Variants in MAP2K5 observed in about 807,000 individuals in gnomAD.
MAP2K5 encodes dual specificity mitogen-activated protein kinase kinase 5.
MAP2K5 carries 49 observed loss-of-function variants against 83.1 expected under a neutral mutation model. That is an observed-to-expected ratio of 0.59 (90% CI 0.47 to 0.75). The LOEUF (loss-of-function observed/expected upper bound fraction) is 0.75, where lower values mean the gene tolerates loss of function less well. Ranked by LOEUF, MAP2K5 falls within the 30% of genes least tolerant of loss-of-function variation. MAP2K5 has a pLI of 0.00. For missense variants in MAP2K5, 457 were observed against 557.5 expected (o/e 0.82, Z 1.82); for synonymous variants, 202 against 191.8 (o/e 1.05, Z -0.44).
intron 16 of MAP2K5, among the ~76,000 whole-genome samples, chr15:67,726,587 G>T (rs935703635): frequency 3.3e-5 from 5 of 152,210 alleles, no homozygotes; most frequent in African/African-American, 1.2e-4. Context: ...AATAAGCGCA[G>T]AACTTCTCAA....
At chr15:67,608,696 T>C (rs1434162557) in intron 8 of MAP2K5, among the ~76,000 whole-genome samples, 5 of 152,204 alleles carry the variant, frequency 3.3e-5, no homozygotes, top group Non-Finnish European at 7.3e-5. Context: ...GACAGCTGAC[T>C]TAAAGTCTGA....
At chr15:67,766,552 G>A (rs28570354) in intron 19 of MAP2K5, among the ~76,000 whole-genome samples, 2 of 152,106 alleles carry the variant, frequency 1.3e-5, no homozygotes, top group Non-Finnish European at 2.9e-5. Context: ...TGAACTCCTC[G>A]GGATGACTAG....
At chr15:67,599,136 A>G (rs1019415270) in intron 7 of MAP2K5, among the ~76,000 whole-genome samples, 5 of 152,208 alleles carry the variant, frequency 3.3e-5, no homozygotes, top group Non-Finnish European at 7.3e-5. Flanking sequence ...GGTCCAGAAT[A>G]ATGAGATTTT....
chr15:67,740,641 A>G (rs1156439096), intron 17 of MAP2K5, among the ~76,000 whole-genome samples: 3 of 152,176 alleles, frequency 2.0e-5, no homozygotes, highest in Non-Finnish European at 4.4e-5. Flanking sequence ...CTTTTTCAGT[A>G]TATAAAAAAG....
rs1048510660 is a variant in MAP2K5, at chr15:67,746,369, A to G, written c.1075-1862A>G. ...CTTTGATGTCAGAAATGGATTTCTG[A>G]TTCTTTATTCATTACAAATAACTCC... On this transcript the variant is annotated intron_variant, in intron 17 of 21. Coordinates refer to ENST00000178640, the MANE Select transcript of MAP2K5 (RefSeq NM_145160.3). This position sits in a 1 kb window ranked among gnomAD's most constrained non-coding sequence, Gnocchi z 4.1. Among the ~76,000 whole-genome samples the G allele has an allele frequency of 6.6e-6, 1 of 152,032 alleles. No homozygotes were observed. Among genetic ancestry groups the G allele is most frequent in the Non-Finnish European group, 1.5e-5 (1 of 68,006 alleles).
chr15:67,773,922 GGATAGCTC>G lies in MAP2K5; in HGVS notation c.1242+1171_1242+1178del, dbSNP rs1316608416. ...CCTTGTGCATTATTATGCTATGGCT[GGATAGCTC>G]AGCTGTTAAAACAAAGGAATAGGGT... On this transcript the variant is annotated intron_variant, in intron 21 of 21. Transcript: ENST00000178640. Among the ~76,000 whole-genome samples the G allele has an allele frequency of 2.6e-4, 40 of 152,130 alleles. 1 individual carries two copies. The highest frequency in any genetic ancestry group is 2.6e-3 in the Admixed American group (40 of 15,266).
chr15:67,761,560 G>C (rs538159006), intron 19 of MAP2K5, among the ~76,000 whole-genome samples: 70 of 152,334 alleles, frequency 4.6e-4, no homozygotes, highest in East Asian at 2.9e-3. Flanking sequence ...ACAGTCGAGT[G>C]AACATTCAGG....
At chr15:67,733,404 A>C (rs1373316434) in intron 17 of MAP2K5, among the ~76,000 whole-genome samples, 1 of 152,268 alleles carries the variant, frequency 6.6e-6, no homozygotes, top group Non-Finnish European at 1.5e-5. Context: ...AAAAAGGATC[A>C]AAAAGATAAG....
chr15:67,794,172 C>T lies in MAP2K5; in HGVS notation c.1243-12474C>T, dbSNP rs114764316. 1.2e-3 allele frequency among the ~76,000 whole-genome samples: 184 copies of T among 152,328 alleles called. 3 individuals carry two copies. The highest frequency in any genetic ancestry group is 4.3e-3 in the African/African-American group (178 of 41,562). On this transcript the variant is annotated intron_variant, in intron 21 of 21. Transcript: ENST00000178640. The surrounding 1 kb of genome is among the most constrained non-coding windows in gnomAD (Gnocchi z 4.6). ...ACACCACCTTGGAAAATGCAGGTCA[C>T]ACCAGTCACCACCATCAAAAACGCA...
At chr15:67,599,760 C>T (rs550964967) in intron 7 of MAP2K5, among the ~76,000 whole-genome samples, 2 of 150,762 alleles carry the variant, frequency 1.3e-5, no homozygotes, top group East Asian at 3.9e-4. Flanking sequence ...TTTATTAAAT[C>T]CACTTAGTGA....
chr15:67,558,876 T>G (rs1407898097), intron 2 of MAP2K5, among the ~76,000 whole-genome samples: 2 of 152,264 alleles, frequency 1.3e-5, no homozygotes, highest in Non-Finnish European at 2.9e-5. Flanking sequence ...TTTTCTTTTT[T>G]CACTGTTACT....
In MAP2K5 at chr15:67,665,946, C is replaced by T. The variant is rs1363295843; in HGVS notation, c.847+1301C>T. Among the ~76,000 whole-genome samples, 1 of 152,152 alleles carries T rather than the reference C, an allele frequency of 6.6e-6. No individual in the cohort carries two copies. The highest frequency in any genetic ancestry group is 6.6e-5 in the Admixed American group (1 of 15,264). The stretch of plus-strand genomic sequence containing the variant: ...ATTGTTTCTATTCCCTGTACTCCTA[C>T]CTCCGCACACCCAGCTACCGGTAAA... On this transcript the variant is annotated intron_variant, in intron 13 of 21. Transcript: ENST00000178640. This position sits in a 1 kb window ranked among gnomAD's most constrained non-coding sequence, Gnocchi z 4.2.
chr15:67,702,296 G>T lies in MAP2K5; in HGVS notation c.973-1041G>T, dbSNP rs149290468. ...ATGAAAAACACTAAAACAAGGCCTG[G>T]TGTATAGAAATTCTTTAATAAATGC... On this transcript the variant is annotated intron_variant, in intron 15 of 21. Transcript: ENST00000178640. The surrounding 1 kb of genome is among the most constrained non-coding windows in gnomAD (Gnocchi z 4.6). Among the ~76,000 whole-genome samples, 32 of 152,264 alleles carry T rather than the reference G, an allele frequency of 2.1e-4. No homozygotes were observed. In the East Asian group the frequency reaches 6.0e-3, roughly 28 times the overall value.
At chr15:67,673,131 A>G (rs1392786800) in intron 13 of MAP2K5, among the ~76,000 whole-genome samples, 1 of 151,992 alleles carries the variant, frequency 6.6e-6, no homozygotes, top group Non-Finnish European at 1.5e-5. Flanking sequence ...CTTAGGATTG[A>G]CTTGGCAATG....
intron 15 of MAP2K5, among the ~76,000 whole-genome samples, chr15:67,700,548 G>A (rs1450517329): frequency 6.6e-6 from 1 of 152,102 alleles, no homozygotes; most frequent in Non-Finnish European, 1.5e-5. Flanking sequence ...TTGTTTTTCA[G>A]GGGAGAGGAC....
chr15:67,596,413 C>CA (rs969520918), intron 7 of MAP2K5, among the ~76,000 whole-genome samples: 27 of 150,906 alleles, frequency 1.8e-4, no homozygotes, highest in African/African-American at 4.9e-4. Context: ...GACTCTGTCT[C>CA]AAAAAAAACT....
chr15:67,577,985 G>A lies in MAP2K5; in HGVS notation c.253-2769G>A, dbSNP rs1191220938. ...ACTGTACTCTAGCCTGGGTGACAGA[G>A]CAAGACTCTGTCTCAAAAAAAAAGA... On this transcript the variant is annotated intron_variant, in intron 3 of 21. Coordinates refer to ENST00000178640, the MANE Select transcript of MAP2K5 (RefSeq NM_145160.3). The surrounding 1 kb of genome is among the most constrained non-coding windows in gnomAD (Gnocchi z 4.1). 6.6e-6 allele frequency among the ~76,000 whole-genome samples: 1 copy of A among 152,102 alleles called. No individual in the cohort carries two copies. The highest frequency in any genetic ancestry group is 2.4e-5 in the African/African-American group (1 of 41,416).
At chr15:67,772,675 T>G in intron 20 of MAP2K5, 32 bp from the exon 21 acceptor site, 2 of 1,467,954 alleles carry the variant, frequency 1.4e-6, no homozygotes, top group African/African-American at 2.9e-5. Context: ...ATGACACAGA[T>G]AACATAAGGG....
chr15:67,725,494 T>A (rs2089068303), intron 16 of MAP2K5, among the ~76,000 whole-genome samples: 1 of 152,202 alleles, frequency 6.6e-6, no homozygotes, highest in African/African-American at 2.4e-5. Flanking sequence ...TGACTATATG[T>A]GTGGTGGGCA....
Sources: allele counts gnomAD v4.1 joint callset (sites outside exome capture counted in the v4.1 genomes callset), GRCh38; gene constraint gnomAD v4.1.1; non-coding constraint Gnocchi (gnomAD v3.1); transcripts MANE v1.5; gene names NCBI Gene and HGNC (gene_info 2026-07-23, HGNC 2026-07-21).